The following CDH23 variants were observed in gnomAD, a reference collection of about 807,000 sequenced individuals.
CDH23 encodes cadherin related 23.
Under a neutral mutation model 317.1 loss-of-function variants are expected in CDH23, and 189 were observed. That is an observed-to-expected ratio of 0.60 (90% CI 0.53 to 0.67). The LOEUF (loss-of-function observed/expected upper bound fraction) is 0.67, where lower values mean the gene tolerates loss of function less well. CDH23 is among the 30% of genes least tolerant of loss of function. The pLI is 0.00. For synonymous variants in CDH23, 1,839 were observed against 1,876.8 expected (o/e 0.98, Z 0.52); for missense variants, 4,401 against 4,592.4 (o/e 0.96, Z 1.20).
At chr10:71,765,372 C>G (rs2132897864) in intron 38 of CDH23, among the ~76,000 whole-genome samples, 1 of 152,336 alleles carries the variant, frequency 6.6e-6, no homozygotes, top group South Asian at 2.1e-4. Context: ...GAGGGTATGG[C>G]AGGGCAGGCA....
In CDH23 at chr10:71,702,235, C is replaced by T. The variant is rs376294299; in HGVS notation, c.2587+24C>T. ...CTGTATGGACCCCTCTCGCCCCTCACGGCCCCCACACCTTAGGCTGCGGGT... is the reference window on the plus strand; with the variant it reads ...CTGTATGGACCCCTCTCGCCCCTCATGGCCCCCACACCTTAGGCTGCGGGT... On this transcript the variant is annotated intron_variant, in intron 23 of 69. Coordinates refer to ENST00000224721, the MANE Select transcript of CDH23 (RefSeq NM_022124.6). 2.6e-4 allele frequency: 425 copies of T among 1,606,826 alleles called. 1 individual carries two copies. Among genetic ancestry groups the T allele is most frequent in the Non-Finnish European group, 3.4e-4 (399 of 1,175,254 alleles).
chr10:71,687,551 C>G, intron 18 of CDH23, 96 bp from the exon 19 acceptor site: 1 of 1,113,306 alleles, frequency 9.0e-7, no homozygotes, highest in East Asian at 2.4e-5. Flanking sequence ...TTAGGGCCAG[C>G]CAGACCTAGC....
intron 3 of CDH23, among the ~76,000 whole-genome samples, chr10:71,482,148 C>T (rs1002791200): frequency 6.6e-6 from 1 of 152,208 alleles, no homozygotes; most frequent in Admixed American, 6.5e-5. Context: ...ATGAGGCCCA[C>T]TGCCAAAGCC....
intron 38 of CDH23, among the ~76,000 whole-genome samples, chr10:71,743,836 C>T (rs1839793698): frequency 6.6e-6 from 1 of 152,192 alleles, no homozygotes; most frequent in Non-Finnish European, 1.5e-5. Flanking sequence ...AAAAATTCTA[C>T]AGAGAATGTG....
At chr10:71,489,874 G>A (rs1156587053) in intron 3 of CDH23, among the ~76,000 whole-genome samples, 2 of 151,962 alleles carry the variant, frequency 1.3e-5, no homozygotes, top group East Asian at 3.8e-4. Flanking sequence ...ATCCTTAAGA[G>A]TCACGTTCCC....
At position 71,725,403 on chromosome 10, in the gene CDH23, C is replaced by A. The variant is rs1866762865; in HGVS notation, c.3462C>A (p.Val1154=). 6.2e-7 allele frequency: 1 copy of A among 1,614,070 alleles called. No homozygotes were observed. Among genetic ancestry groups the A allele is most frequent in the Non-Finnish European group, 8.5e-7 (1 of 1,179,908 alleles). ...ATGGCAACAACTTCCGGATCCATGT[C>A]AGCAATGGGCTCCTGATGCGAGGGC... ...GNHGNNFRIH[V]SNGLLMRGPR... The change falls in exon 30 of 70, where the codon GTC becomes GTA. Residue 1154 remains valine, a synonymous_variant. Coordinates refer to ENST00000224721, the MANE Select transcript of CDH23 (RefSeq NM_022124.6).
intron 1 of CDH23, among the ~76,000 whole-genome samples, chr10:71,410,112 G>A (rs181441697): frequency 4.8e-4 from 73 of 152,218 alleles, no homozygotes; most frequent in Admixed American, 2.2e-3. Flanking sequence ...TTTCTCTTCC[G>A]CAAAATGAGA....
At chr10:71,494,873 A>G (rs537566728) in intron 3 of CDH23, among the ~76,000 whole-genome samples, 6 of 152,190 alleles carry the variant, frequency 3.9e-5, no homozygotes, top group Non-Finnish European at 5.9e-5. Flanking sequence ...AGAGAGACCC[A>G]GCCCTGCCCC....
intron 38 of CDH23, chr10:71,749,346 C>T (rs1839933946): frequency 6.6e-6 from 1 of 152,276 alleles, no homozygotes. Flanking sequence ...TTTGCTCCGT[C>T]CCCAGGCTGG....
rs950601132 is a variant in CDH23, at chr10:71,707,229, G to A, written c.3106+180G>A. 35 of 1,479,180 alleles carry A rather than the reference G, an allele frequency of 2.4e-5. No homozygotes were observed. In the African/African-American group the frequency reaches 3.9e-4, roughly 16 times the overall value. The allele number at this position is 1,479,180 out of a possible 1,614,324, so 91.6% of individuals were successfully genotyped here. A position where few individuals can be genotyped will look rare whatever the true frequency, so the allele number is the denominator to read the frequency against. ...GATTTGCTCCTGGCTCTTCCCAAGGGCTTTGCAGCTGGATCACTCTGGACT... is the reference window on the plus strand; with the variant it reads ...GATTTGCTCCTGGCTCTTCCCAAGGACTTTGCAGCTGGATCACTCTGGACT... On this transcript the variant is annotated intron_variant, in intron 26 of 69. Coordinates refer to ENST00000224721, the MANE Select transcript of CDH23 (RefSeq NM_022124.6).
At chr10:71,462,057 C>A (rs537326726) in intron 3 of CDH23, among the ~76,000 whole-genome samples, 26 of 152,332 alleles carry the variant, frequency 1.7e-4, no homozygotes, top group Admixed American at 1.6e-3. Context: ...GGCTTGGGGA[C>A]CCACCTGGTC....
At chr10:71,524,461 C>T (rs1416654520) in intron 6 of CDH23, among the ~76,000 whole-genome samples, 5 of 152,282 alleles carry the variant, frequency 3.3e-5, no homozygotes, top group African/African-American at 7.2e-5. Context: ...AGTCTGGCCT[C>T]GTCAGTCAAA....
rs1240604015 is a variant in CDH23, at chr10:71,813,384, C to T, written c.9738+36C>T. The T allele has an allele frequency of 2.7e-6, 4 of 1,495,908 alleles. No homozygotes were observed. The African/African-American group carries it at 5.6e-5, about 21-fold the overall frequency. The allele number at this position is 1,495,908 out of a possible 1,614,324, so 92.7% of individuals were successfully genotyped here. On this transcript the variant is annotated intron_variant, in intron 69 of 69. Coordinates refer to ENST00000224721, the MANE Select transcript of CDH23 (RefSeq NM_022124.6). ...GGGTGGCTGGGAGCTGTGTGCTGTG[C>T]CCCAGCCTGGGGATGCTCTCTGTCT...
intron 9 of CDH23, among the ~76,000 whole-genome samples, chr10:71,596,384 T>A (rs1014142246): frequency 2.6e-5 from 4 of 152,100 alleles, no homozygotes; most frequent in African/African-American, 9.7e-5. Flanking sequence ...CGAACCCAGG[T>A]CTGCATGAGT....
chr10:71,523,782 GC>G (rs1854847794), intron 6 of CDH23, among the ~76,000 whole-genome samples: 1 of 152,156 alleles, frequency 6.6e-6, no homozygotes, highest in Non-Finnish European at 1.5e-5. Context: ...CAGGGATGTT[GC>G]AAAAACCTTT....
intron 28 of CDH23, chr10:71,715,610 G>A (rs1866178916): frequency 4.1e-6 from 1 of 242,238 alleles, no homozygotes; most frequent in Non-Finnish European, 7.9e-6. Context: ...GAGCGAGGGT[G>A]CTGCTTCTAG....
rs114819374 is a variant in CDH23 at position 71,803,045 on chromosome 10, T to C, written c.7630T>C (p.Leu2544=). The part of the protein sequence containing the change: ...TDQDEGPNGE[L]TYSLEGPGVE... Reference sequence around the variant, plus strand: ...CCAGGATGAAGGTCCCAATGGAGAGTTGACCTACTCACTTGAGGGCCCTGG... The same window carrying C: ...CCAGGATGAAGGTCCCAATGGAGAGCTGACCTACTCACTTGAGGGCCCTGG... The change falls in exon 54 of 70, where the codon TTG becomes CTG. Residue 2544 remains leucine (L), a synonymous_variant. Transcript: ENST00000224721. The C allele has an allele frequency of 2.9e-3, 4,716 of 1,613,000 alleles. 32 individuals are homozygous for C. The highest frequency in any genetic ancestry group is 0.027 in the African/African-American group (2,054 of 74,924).
At chr10:71,658,350 G>T (rs1863505468) in intron 14 of CDH23, among the ~76,000 whole-genome samples, 1 of 152,226 alleles carries the variant, frequency 6.6e-6, no homozygotes, top group African/African-American at 2.4e-5. Flanking sequence ...ACTGCGGCTG[G>T]GGTGCCCCCG....
chr10:71,740,411 TC>T (rs747064909), intron 36 of CDH23, among the ~76,000 whole-genome samples: 141 of 152,280 alleles, frequency 9.3e-4, no homozygotes, highest in Non-Finnish European at 1.6e-3. Context: ...TTGCCAGAGA[TC>T]ATGGGACAGA....
Sources: allele counts gnomAD v4.1 joint callset (sites outside exome capture counted in the v4.1 genomes callset), GRCh38; gene constraint gnomAD v4.1.1; transcripts MANE v1.5; gene names NCBI Gene and HGNC (gene_info 2026-07-23, HGNC 2026-07-21).